RGS6: variants seen among roughly 807,000 people sequenced by gnomAD.
RGS6 encodes the protein regulator of G-protein signaling 6.
Under a neutral mutation model 78.5 loss-of-function variants are expected in RGS6, and 30 were observed. The ratio of observed to expected loss-of-function variants is 0.38; its 90% CI spans 0.29 to 0.52. The LOEUF is 0.52. Ranked by LOEUF, RGS6 falls within the 20% of genes least tolerant of loss-of-function variation. The probability of loss-of-function intolerance (pLI) is 0.85; values close to 1 mark genes in which losing one functional copy is unlikely to be tolerated. For synonymous variants in RGS6, 206 were observed against 206.0 expected (o/e 1.00, Z 0.00); for missense variants, 495 against 609.7 (o/e 0.81, Z 1.98).
intron 3 of RGS6, among the ~76,000 whole-genome samples, chr14:72,354,822 A>G (rs977716677): frequency 1.3e-5 from 2 of 152,176 alleles, no homozygotes; most frequent in Admixed American, 1.3e-4. Context: ...TGGGTAATGA[A>G]GGATACTTGT....
intron 3 of RGS6, among the ~76,000 whole-genome samples, chr14:72,404,347 G>A (rs1454671247): frequency 6.6e-6 from 1 of 152,186 alleles, no homozygotes; most frequent in Non-Finnish European, 1.5e-5. Flanking sequence ...TGAAGCTTGA[G>A]GGAAGGTGTT....
intron 1 of RGS6, among the ~76,000 whole-genome samples, chr14:71,959,884 G>A (rs1452369385): frequency 6.6e-6 from 1 of 152,094 alleles, no homozygotes; most frequent in Non-Finnish European, 1.5e-5. Flanking sequence ...CATCTTCCAG[G>A]CAAGGAGCTG....
At chr14:72,264,092 T>C (rs1481334672) in intron 2 of RGS6, among the ~76,000 whole-genome samples, 2 of 152,180 alleles carry the variant, frequency 1.3e-5, no homozygotes, top group Admixed American at 6.5e-5. Flanking sequence ...AGAAAATCAA[T>C]AGTAGCCTTA....
intron 2 of RGS6, among the ~76,000 whole-genome samples, chr14:72,126,471 C>T (rs1316020150): frequency 1.3e-5 from 2 of 152,260 alleles, no homozygotes; most frequent in Non-Finnish European, 2.9e-5. Flanking sequence ...AGATGTCTTA[C>T]ACTTTCTAGA....
chr14:72,539,633 CCCCCAGGG>C (rs1371175187), intron 16 of RGS6, among the ~76,000 whole-genome samples: 9 of 152,298 alleles, frequency 5.9e-5, no homozygotes, highest in East Asian at 1.9e-4. Flanking sequence ...ACTTGGGGGG[CCCCCAGGG>C]CCCCAGGGCC....
intron 2 of RGS6, among the ~76,000 whole-genome samples, chr14:72,202,933 C>G (rs1452417692): frequency 6.6e-6 from 1 of 151,898 alleles, no homozygotes; most frequent in Non-Finnish European, 1.5e-5. Context: ...AGTGCAGTGG[C>G]GCCATCTCTG....
chr14:71,951,444 G>A (rs191530578), intron 1 of RGS6, among the ~76,000 whole-genome samples: 1 of 152,226 alleles, frequency 6.6e-6, no homozygotes, highest in Admixed American at 6.5e-5. Flanking sequence ...AGGAAAAATA[G>A]CTAATACATG....
At chr14:72,496,312 C>G (rs2096644595) in intron 13 of RGS6, among the ~76,000 whole-genome samples, 1 of 152,170 alleles carries the variant, frequency 6.6e-6, no homozygotes, top group South Asian at 2.1e-4. Flanking sequence ...GGAAACACAG[C>G]GATGGTTGAC....
intron 3 of RGS6, among the ~76,000 whole-genome samples, chr14:72,383,621 C>T (rs1348929318): frequency 6.6e-6 from 1 of 152,108 alleles, no homozygotes; most frequent in Non-Finnish European, 1.5e-5. Flanking sequence ...TATGGGTCAC[C>T]GGTCCCGTTC....
At chr14:72,252,428 T>C (rs2056037263) in intron 2 of RGS6, among the ~76,000 whole-genome samples, 1 of 152,200 alleles carries the variant, frequency 6.6e-6, no homozygotes, top group Non-Finnish European at 1.5e-5. Flanking sequence ...ATGATTACCA[T>C]CTAGTGAATT....
In RGS6 at chr14:72,349,983, T is replaced by C. The variant is rs1056248209; in HGVS notation, c.85-2112T>C. On this transcript the variant is annotated intron_variant, in intron 2 of 17. Coordinates refer to ENST00000553525, the MANE Select transcript of RGS6 (RefSeq NM_001204424.2). ...TAAATTACCTTGAAAATGTGACCATTTTTCTAGCTCTCCTTGGCTATCAAT... is the reference window on the plus strand; with the variant it reads ...TAAATTACCTTGAAAATGTGACCATCTTTCTAGCTCTCCTTGGCTATCAAT... 4.6e-5 allele frequency among the ~76,000 whole-genome samples: 7 copies of C among 152,328 alleles called. No individual in the cohort carries two copies. In the East Asian group the frequency reaches 1.3e-3, roughly 29 times the overall value.
At chr14:71,893,487 G>A in the RGS6 span, among the ~76,000 whole-genome samples, 42 of 152,214 alleles carry the variant, frequency 2.8e-4, no homozygotes, top group Middle Eastern at 6.8e-3. Flanking sequence ...CATTTGCTTT[G>A]TCATCAAAAG....
chr14:72,260,017 T>A (rs186345489), intron 2 of RGS6, among the ~76,000 whole-genome samples: 1 of 151,670 alleles, frequency 6.6e-6, no homozygotes, highest in African/African-American at 2.4e-5. Flanking sequence ...ACCCAGAGTA[T>A]CCATTCCAAT....
intron 17 of RGS6, among the ~76,000 whole-genome samples, chr14:72,554,472 T>C (rs1188144772): frequency 6.6e-6 from 1 of 152,252 alleles, no homozygotes; most frequent in African/African-American, 2.4e-5. Context: ...AGCATCAACT[T>C]GTTGCCAATA....
At chr14:72,318,821 C>G (rs1302891362) in intron 2 of RGS6, among the ~76,000 whole-genome samples, 2 of 152,152 alleles carry the variant, frequency 1.3e-5, no homozygotes, top group Non-Finnish European at 2.9e-5. Flanking sequence ...GCAAATGAAA[C>G]TGAAAGGGAA....
intron 10 of RGS6, 45 bp downstream of exon 10, chr14:72,474,744 C>T (rs1323602215): frequency 1.4e-6 from 2 of 1,471,726 alleles, no homozygotes; most frequent in East Asian, 2.3e-5. Flanking sequence ...GTGAATAGCC[C>T]TTCCAGTTCT....
At chr14:72,129,592 G>A (rs985542240) in intron 2 of RGS6, among the ~76,000 whole-genome samples, 1 of 152,174 alleles carries the variant, frequency 6.6e-6, no homozygotes, top group South Asian at 2.1e-4. Context: ...GAAGGCAACT[G>A]GAACTGAGGT....
chr14:72,490,626 A>G (rs888546820), intron 12 of RGS6, among the ~76,000 whole-genome samples: 12 of 152,218 alleles, frequency 7.9e-5, no homozygotes, highest in Non-Finnish European at 2.9e-5. Flanking sequence ...GTTATATAAC[A>G]TGATGAACTT....
At chr14:72,453,534 TGAACCCGGGAGGCA>T (rs2095549285) in intron 3 of RGS6, among the ~76,000 whole-genome samples, 1 of 134,046 alleles carries the variant, frequency 7.5e-6, no homozygotes, top group Non-Finnish European at 1.5e-5. Context: ...GAGAATGGCG[TGAACCCGGGAGGCA>T]GAGCTTGCAG....
Sources: gnomAD v4.1 joint callset for allele counts (sites outside exome capture counted in the v4.1 genomes callset) on GRCh38, gnomAD v4.1.1 for gene constraint, MANE v1.5 for transcripts, NCBI Gene and HGNC (gene_info 2026-07-23, HGNC 2026-07-21) for gene names.